NBPF26: variants seen among roughly 807,000 people sequenced by gnomAD.
The protein encoded by NBPF26 is NBPF member 26.
Under a neutral mutation model 119.6 loss-of-function variants are expected in NBPF26, and 79 were observed. The observed-to-expected ratio is 0.66, with a 90% CI of 0.55 to 0.80. The LOEUF (loss-of-function observed/expected upper bound fraction) is 0.80, where lower values mean the gene tolerates loss of function less well. Among genes scored for constraint, NBPF26 ranks in the 30% least tolerant of loss-of-function variants. The pLI is 0.00. For missense variants in NBPF26, 800 were observed against 1,198.2 expected (o/e 0.67, Z 4.91); for synonymous variants, 299 against 457.7 (o/e 0.65, Z 4.43).
At chr1:120,842,012 G>T (rs1165541588), downstream of NBPF26, among the ~76,000 whole-genome samples, 1 of 88,134 alleles carries the variant, frequency 1.1e-5, no homozygotes, top group Admixed American at 1.1e-4. Context: ...GTTTTTACTA[G>T]TGTCTGCTGT....
Position 120,810,661 on chromosome 1 carries a change from A to G in NBPF26, c.1564+103A>G. The G allele has an allele frequency of 2.3e-6, 3 of 1,301,640 alleles. 1 individual carries two copies. The highest frequency in any genetic ancestry group is 3.1e-6 in the Non-Finnish European group (3 of 953,526). The allele number at this position is 1,301,640 out of a possible 1,614,324, so 80.6% of individuals were successfully genotyped here. On this transcript the variant is annotated intron_variant, in intron 9 of 29. Coordinates refer to ENST00000620612, the Ensembl canonical transcript of NBPF26. The stretch of plus-strand genomic sequence containing the variant: ...ACATATTGTTATTGTTTTAGTCAGA[A>G]ACTGGGATGGAGCTAGGTGCTGTGA...
intron 1 of NBPF26, among the ~76,000 whole-genome samples, chr1:120,727,921 G>T (rs1473077061): frequency 1.7e-5 from 2 of 118,678 alleles, no homozygotes; most frequent in Non-Finnish European, 3.3e-5. Context: ...CAGAAGACCA[G>T]AATTCTTCTC....
chr1:120,755,963 A>G (rs1465090895), intron 1 of NBPF26, among the ~76,000 whole-genome samples: 2 of 108,294 alleles, frequency 1.8e-5, no homozygotes, highest in African/African-American at 5.7e-5. Context: ...TTTCCTTTCA[A>G]TCAAGACAAA....
rs1395180953 is a variant in NBPF26 at position 120,784,435 on chromosome 1, A to G, written c.156-539A>G. Among the ~76,000 whole-genome samples the G allele has an allele frequency of 3.6e-4, 42 of 116,982 alleles. 5 individuals are homozygous for G. The highest frequency in any genetic ancestry group is 2.1e-3 in the East Asian group (10 of 4,702). 76.7% of individuals were successfully genotyped at this position (116,982 alleles called of 152,430 possible). On this transcript the variant is annotated intron_variant, in intron 2 of 29. Coordinates refer to ENST00000620612, the Ensembl canonical transcript of NBPF26. The stretch of plus-strand genomic sequence containing the variant: ...CTCCAGATATTCTTGCTGTTTCTCA[A>G]ACACGCTAGGGCTGCTCTCTGTGTT...
At position 120,738,881 on chromosome 1, in the gene NBPF26, A is replaced by AT. The variant is rs1446596833; in HGVS notation, c.73+14638dup. Among the ~76,000 whole-genome samples the AT allele has an allele frequency of 3.1e-5, 3 of 96,156 alleles. 1 individual carries two copies. The highest frequency in any genetic ancestry group is 6.0e-5 in the Non-Finnish European group (3 of 50,352). 63.1% of individuals were successfully genotyped at this position (96,156 alleles called of 152,430 possible). ...ATCAAGACCAGGAATGAATGTGTGG[A>AT]TTTTTTTAAATAAAAAATTGAGAGA... On this transcript the variant is annotated intron_variant, in intron 1 of 29. Transcript: ENST00000620612.
chr1:120,814,917 TTGAA>T lies in NBPF26; in HGVS notation c.1970_1973del (p.Asn657SerfsTer180), dbSNP rs1483030288. Reference sequence around the variant, plus strand: ...GGAAGGGAGAGATGCCTCCCGCTCATTGAATGAGCATCTCCAGGCCCTCCTCACT... The same window carrying T: ...GGAAGGGAGAGATGCCTCCCGCTCATTGAGCATCTCCAGGCCCTCCTCACT... On this transcript the variant is annotated frameshift_variant, in exon 12 of 30. Coordinates refer to ENST00000620612, the Ensembl canonical transcript of NBPF26. LOFTEE classifies it high-confidence loss of function. 20 of 1,190,872 alleles carry T rather than the reference TTGAA, an allele frequency of 1.7e-5. 4 individuals carry two copies. The highest frequency in any genetic ancestry group is 5.1e-5 in the African/African-American group (2 of 39,474). 73.8% of individuals were successfully genotyped at this position (1,190,872 alleles called of 1,614,324 possible).
intron 6 of NBPF26, among the ~76,000 whole-genome samples, chr1:120,808,203 G>T (rs1651753768): frequency 1.7e-5 from 2 of 118,252 alleles, no homozygotes; most frequent in Non-Finnish European, 3.4e-5. Flanking sequence ...GTGGCCGCAA[G>T]ATGCACTATG....
chr1:120,822,137 C>A (rs2101533254), exon 16 of NBPF26: 1 of 1,379,870 alleles, frequency 7.2e-7, no homozygotes, highest in South Asian at 1.2e-5. Flanking sequence ...AGGAAGTCCC[C>A]CAGGAGTCCT....
chr1:120,785,256 G>T (rs1651413046), intron 3 of NBPF26, 23 bp downstream of exon 3: 2 of 1,443,330 alleles, frequency 1.4e-6, no homozygotes, highest in Admixed American at 1.9e-5. Flanking sequence ...ACCAAAGCCA[G>T]TGCTTCCCTA....
At chr1:120,756,608 TA>T (rs1651083105) in intron 1 of NBPF26, among the ~76,000 whole-genome samples, 1 of 117,692 alleles carries the variant, frequency 8.5e-6, no homozygotes. Context: ...ATGCAACAAG[TA>T]AAACACATTG....
intron 1 of NBPF26, among the ~76,000 whole-genome samples, chr1:120,729,535 CT>C (rs1650853482): frequency 1.8e-5 from 2 of 111,754 alleles, no homozygotes; most frequent in South Asian, 5.4e-4. Context: ...CAAAGAGATG[CT>C]TGTCTGTAGA....
intron 29 of NBPF26, among the ~76,000 whole-genome samples, chr1:120,839,982 G>A (rs1378149149): frequency 2.1e-5 from 1 of 46,916 alleles, no homozygotes; most frequent in Non-Finnish European, 3.6e-5. Flanking sequence ...CCACTGCATC[G>A]AATTTTGAGC....
In NBPF26 at chr1:120,806,369, C is replaced by G. The variant is rs1651683576; in HGVS notation, c.961+604C>G. ...CAGCACTTTGGGAGGCTGAGGCGGG[C>G]AGAGCACGAGGTCAGCAGTTTGAGA... On this transcript the variant is annotated intron_variant, in intron 5 of 29. Coordinates refer to ENST00000620612, the Ensembl canonical transcript of NBPF26. 1.9e-5 allele frequency among the ~76,000 whole-genome samples: 2 copies of G among 108,052 alleles called. 1 individual carries two copies. Among genetic ancestry groups the G allele is most frequent in the Admixed American group, 1.8e-4 (2 of 10,906 alleles). The allele number at this position is 108,052 out of a possible 152,430, so 70.9% of individuals were successfully genotyped here.
chr1:120,790,656 G>A lies in NBPF26; in HGVS notation c.416-2505G>A, dbSNP rs1487503930. On this transcript the variant is annotated intron_variant, in intron 3 of 29. Transcript: ENST00000620612. ...TCTTCTCACTCTGTTGCTTAGTACA[G>A]TGGCGCAGTCTCGGCTCACTGCAAC... is the stretch of plus-strand genomic sequence containing the variant. 1.4e-3 allele frequency among the ~76,000 whole-genome samples: 151 copies of A among 106,010 alleles called. 27 individuals carry two copies. Among genetic ancestry groups the A allele is most frequent in the Non-Finnish European group, 2.0e-3 (114 of 57,450 alleles). The allele number at this position is 106,010 out of a possible 152,430, so 69.5% of individuals were successfully genotyped here.
At position 120,805,539 on chromosome 1, in the gene NBPF26, G is replaced by C. The variant is rs1197263541; in HGVS notation, c.752-17G>C. The C allele has an allele frequency of 8.1e-7, 1 of 1,239,874 alleles. No individual in the cohort carries two copies. Among genetic ancestry groups the C allele is most frequent in the African/African-American group, 2.3e-5 (1 of 44,194 alleles). The allele number at this position is 1,239,874 out of a possible 1,614,324, so 76.8% of individuals were successfully genotyped here. ...CCAGTTTTTAACCCATCATATGTTT[G>C]GGTTTCTTCTCCCCAGTCCCTGACT... On this transcript the variant is annotated splice_polypyrimidine_tract_variant and intron_variant, in intron 4 of 29. Transcript: ENST00000620612.
chr1:120,810,959 G>A lies in NBPF26; in HGVS notation c.1564+401G>A, dbSNP rs1282184185. Among the ~76,000 whole-genome samples the A allele has an allele frequency of 1.9e-4, 20 of 103,906 alleles. 3 individuals carry two copies. Among genetic ancestry groups the A allele is most frequent in the African/African-American group, 3.5e-4 (6 of 17,136 alleles). The allele number at this position is 103,906 out of a possible 152,430, so 68.2% of individuals were successfully genotyped here. A position where few individuals can be genotyped will look rare whatever the true frequency, so the allele number is the denominator to read the frequency against. ...CTTGTCTTAGCTATTAATAAGTCTC[G>A]GCTGGGCGCAGTGGGTCACACCTGT... On this transcript the variant is annotated intron_variant, in intron 9 of 29. Transcript: ENST00000620612.
At chr1:120,770,625 C>G (rs1161216913) in intron 2 of NBPF26, among the ~76,000 whole-genome samples, 2 of 121,100 alleles carry the variant, frequency 1.7e-5, no homozygotes, top group African/African-American at 9.2e-5. Flanking sequence ...TACTTTAGTC[C>G]TCATGTGAGA....
chr1:120,779,987 C>T lies in NBPF26; in HGVS notation c.156-4987C>T, dbSNP rs1244663332. ...CTGGGGTGTGAAGGATAATTCTGTA[C>T]CTCAGGATGACTATTAGGTTGATTT... On this transcript the variant is annotated intron_variant, in intron 2 of 29. Transcript: ENST00000620612. Among the ~76,000 whole-genome samples, 191 of 131,732 alleles carry T rather than the reference C, an allele frequency of 1.4e-3. 5 individuals are homozygous for T. The highest frequency in any genetic ancestry group is 0.012 in the Admixed American group (164 of 13,232). 86.4% of individuals were successfully genotyped at this position (131,732 alleles called of 152,430 possible).
intron 19 of NBPF26, among the ~76,000 whole-genome samples, chr1:120,830,063 A>C (rs1652316445): frequency 8.2e-6 from 1 of 121,950 alleles, no homozygotes; most frequent in African/African-American, 4.5e-5. Flanking sequence ...AATCTTGAGC[A>C]AGTTTATGGA....
Sources: allele counts gnomAD v4.1 joint callset (sites outside exome capture counted in the v4.1 genomes callset), GRCh38; gene constraint gnomAD v4.1.1; transcripts MANE v1.5; gene names NCBI Gene and HGNC (gene_info 2026-07-23, HGNC 2026-07-21).